The following SH3KBP1 variants were observed in gnomAD, a reference collection of about 807,000 sequenced individuals.
SH3KBP1 encodes SH3 domain-containing kinase-binding protein 1.
In SH3KBP1, 8 loss-of-function variants were observed where a neutral mutation model predicts 50.1. That is an observed-to-expected ratio of 0.16 (90% confidence interval 0.09 to 0.29). The LOEUF is 0.29. Among genes scored for constraint, SH3KBP1 ranks in the 10% least tolerant of loss-of-function variants. SH3KBP1 has a pLI of 1.00. For synonymous variants in SH3KBP1, 227 were observed against 218.6 expected (o/e 1.04, Z -0.34); for missense variants, 377 against 535.2 (o/e 0.70, Z 2.92).
intron 2 of SH3KBP1, among the ~76,000 whole-genome samples, chrX:19,747,031 G>A (rs747771936): frequency 8.9e-6 from 1 of 112,184 alleles, no homozygotes; most frequent in African/African-American, 3.2e-5. Flanking sequence ...TGTAAAGAAA[G>A]TCTCATTAGA....
chrX:19,826,988 C>G (rs2067700579), intron 2 of SH3KBP1, among the ~76,000 whole-genome samples: 1 of 112,146 alleles, frequency 8.9e-6, no homozygotes, highest in Non-Finnish European at 1.9e-5. Flanking sequence ...AACAAAGTAA[C>G]TGTGAGCTTT....
intron 7 of SH3KBP1, among the ~76,000 whole-genome samples, chrX:19,643,015 T>A (rs1033456859): frequency 1.8e-5 from 2 of 111,021 alleles, no homozygotes; most frequent in African/African-American, 6.6e-5. Flanking sequence ...GGGCAATTTT[T>A]GTTATAGTTT....
At position 19,671,371 on chromosome X, in the gene SH3KBP1, A is replaced by AACACACACACACACACAC. The variant is rs745414505; in HGVS notation, c.726+12434_726+12451dup. 3.4e-4 allele frequency among the ~76,000 whole-genome samples: 35 copies of AACACACACACACACACAC among 101,912 alleles called. 1 individual carries two copies. Among genetic ancestry groups the AACACACACACACACACAC allele is most frequent in the Non-Finnish European group, 4.8e-4 (24 of 50,181 alleles). 88.5% of individuals were successfully genotyped at this position (101,912 alleles called of 115,157 possible). A position where few individuals can be genotyped will look rare whatever the true frequency, so the allele number is the denominator to read the frequency against. On this transcript the variant is annotated intron_variant, in intron 6 of 17. Coordinates refer to ENST00000397821, the MANE Select transcript of SH3KBP1 (RefSeq NM_031892.3). Reference sequence around the variant, plus strand: ...TTGCACTACACAAAAATTACTCATAAACACACACACACACACACACACACA... The same window carrying AACACACACACACACACAC: ...TTGCACTACACAAAAATTACTCATAAACACACACACACACACACACACACACACACACACACACACACA...
At position 19,535,219 on chromosome X, in the gene SH3KBP1, G is replaced by T; in HGVS notation, c.*1198C>A. The T allele has an allele frequency of 2.1e-3, 456 of 213,520 alleles. No individual in the cohort carries two copies. Among genetic ancestry groups the T allele is most frequent in the East Asian group, 3.2e-3 (48 of 14,804 alleles). 17.6% of individuals were successfully genotyped at this position (213,520 alleles called of 1,213,427 possible). The stretch of plus-strand genomic sequence containing the variant: ...GGCAAACATCAGTTTCCTTGGGAAA[G>T]AAAAAGCAACTCCATAAATGCAAGA... On this transcript the variant is annotated 3_prime_UTR_variant, in exon 18 of 18. Coordinates refer to ENST00000397821, the MANE Select transcript of SH3KBP1 (RefSeq NM_031892.3).
intron 1 of SH3KBP1, among the ~76,000 whole-genome samples, chrX:19,879,428 G>A (rs2069365885): frequency 9.0e-6 from 1 of 111,307 alleles, no homozygotes; most frequent in African/African-American, 3.3e-5. Context: ...CTGAGGCTCA[G>A]TCTCATCATC....
intron 12 of SH3KBP1, among the ~76,000 whole-genome samples, chrX:19,576,457 A>T (rs1276174342): frequency 9.0e-6 from 1 of 111,651 alleles, no homozygotes; most frequent in Non-Finnish European, 1.9e-5. Context: ...AGAAAAGAAA[A>T]GAAAGAAAGT....
At chrX:19,662,897 T>A (rs2062498162) in intron 6 of SH3KBP1, among the ~76,000 whole-genome samples, 1 of 108,843 alleles carries the variant, frequency 9.2e-6, no homozygotes, top group East Asian at 2.8e-4. Flanking sequence ...TGAACCTTTT[T>A]GTAGAGTAAA....
intron 12 of SH3KBP1, among the ~76,000 whole-genome samples, chrX:19,570,274 T>G (rs1236598827): frequency 2.7e-5 from 3 of 111,872 alleles, no homozygotes; most frequent in African/African-American, 9.8e-5. Context: ...AGTGGGTCAG[T>G]GCAGGAGATC....
At chrX:19,662,526 C>T (rs2062487095) in intron 6 of SH3KBP1, among the ~76,000 whole-genome samples, 1 of 111,704 alleles carries the variant, frequency 9.0e-6, no homozygotes, top group African/African-American at 3.3e-5. Flanking sequence ...CTTAATTGTT[C>T]AGTTTTCTAG....
At chrX:19,636,396 A>T (rs750655771) in intron 7 of SH3KBP1, among the ~76,000 whole-genome samples, 1 of 110,193 alleles carries the variant, frequency 9.1e-6, no homozygotes, top group African/African-American at 3.3e-5. Context: ...GAGAAAATGT[A>T]TACAATATCA....
intron 12 of SH3KBP1, among the ~76,000 whole-genome samples, chrX:19,572,628 C>T (rs748646388): frequency 3.7e-5 from 4 of 109,279 alleles, no homozygotes; most frequent in Non-Finnish European, 5.7e-5. Context: ...GGCGTGATCT[C>T]GGCTCACTGC....
chrX:19,767,438 T>A (rs892200765), intron 2 of SH3KBP1, among the ~76,000 whole-genome samples: 6 of 112,736 alleles, frequency 5.3e-5, no homozygotes, highest in African/African-American at 1.9e-4. Flanking sequence ...GGAAACATGC[T>A]CAGCTGAATT....
At chrX:19,668,095 T>C (rs1333602569) in intron 6 of SH3KBP1, among the ~76,000 whole-genome samples, 5 of 111,616 alleles carry the variant, frequency 4.5e-5, no homozygotes, top group African/African-American at 1.6e-4. Context: ...TGAGGCTATC[T>C]GACAGAAGAA....
chrX:19,756,889 A>AG (rs2065223608), intron 2 of SH3KBP1, among the ~76,000 whole-genome samples: 1 of 104,603 alleles, frequency 9.6e-6, no homozygotes, highest in African/African-American at 3.5e-5. Flanking sequence ...AAAAAAAAAA[A>AG]GCCTAACGTA....
chrX:19,878,505 T>TGTGTGTGTGTGTGTGTGTGAGA (rs1491094714), intron 1 of SH3KBP1, among the ~76,000 whole-genome samples: 9 of 48,251 alleles, frequency 1.9e-4, no homozygotes, highest in African/African-American at 5.4e-4. Context: ...TGTGTGTGTG[T>TGTGTGTGTGTGTGTGTGTGAGA]GAGAGAGAGA....
At chrX:19,816,420 G>C (rs2067357036) in intron 2 of SH3KBP1, among the ~76,000 whole-genome samples, 1 of 111,903 alleles carries the variant, frequency 8.9e-6, no homozygotes, top group South Asian at 3.7e-4. Context: ...TCCTTTGTCA[G>C]ACATGTGGTT....
intron 16 of SH3KBP1, among the ~76,000 whole-genome samples, chrX:19,541,146 A>C (rs2064879286): frequency 1.8e-5 from 2 of 111,792 alleles, no homozygotes; most frequent in South Asian, 7.5e-4. Context: ...CAAACTCCTG[A>C]CCTCAGGTGA....
chrX:19,618,200 A>G (rs1450591345), intron 8 of SH3KBP1, among the ~76,000 whole-genome samples: 2 of 110,142 alleles, frequency 1.8e-5, no homozygotes, highest in Non-Finnish European at 3.8e-5. Context: ...CCTGACCAAC[A>G]TGGTGAATCC....
At chrX:19,563,713 C>T (rs1161500020) in intron 13 of SH3KBP1, among the ~76,000 whole-genome samples, 1 of 112,076 alleles carries the variant, frequency 8.9e-6, no homozygotes, top group Non-Finnish European at 1.9e-5. Context: ...GCACCGCAGC[C>T]CGTCATATGC....
Sources: gnomAD v4.1 joint callset for allele counts (sites outside exome capture counted in the v4.1 genomes callset) on GRCh38, gnomAD v4.1.1 for gene constraint, MANE v1.5 for transcripts, NCBI Gene and HGNC (gene_info 2026-07-23, HGNC 2026-07-21) for gene names.